The following NAV2 variants were observed in gnomAD, a reference collection of about 807,000 sequenced individuals.
NAV2 encodes neuron navigator 2.
In NAV2, 54 loss-of-function variants were observed where a neutral mutation model predicts 223.2. That is an observed-to-expected ratio of 0.24 (90% CI 0.19 to 0.30). The LOEUF is 0.30. Ranked by LOEUF, NAV2 falls within the 10% of genes least tolerant of loss-of-function variation. NAV2 has a pLI of 1.00. For synonymous variants in NAV2, 1,279 were observed against 1,239.3 expected, an observed-to-expected ratio of 1.03 and a Z score of -0.67; for missense variants, 2,806 against 3,147.5, an observed-to-expected ratio of 0.89 and a Z score of 2.60.
intron 11 of NAV2, among the ~76,000 whole-genome samples, chr11:20,001,322 C>A (rs1315601723): frequency 6.6e-6 from 1 of 152,166 alleles, no homozygotes; most frequent in Non-Finnish European, 1.5e-5. Context: ...TTAAGTCTAA[C>A]CAAATCTTTA....
chr11:19,686,649 G>C (rs1241655851), intron 1 of NAV2, among the ~76,000 whole-genome samples: 1 of 152,220 alleles, frequency 6.6e-6, no homozygotes, highest in Non-Finnish European at 1.5e-5. Context: ...GGCCTGCCCA[G>C]GTGGGGAGGA....
intron 1 of NAV2, among the ~76,000 whole-genome samples, chr11:19,472,089 G>A (rs919614488): frequency 1.3e-5 from 2 of 152,170 alleles, no homozygotes; most frequent in Non-Finnish European, 2.9e-5. Context: ...GTGTTGTTGG[G>A]CAGGTATTCT....
intron 1 of NAV2, among the ~76,000 whole-genome samples, chr11:19,647,007 A>G (rs532609671): frequency 7.2e-5 from 11 of 152,308 alleles, no homozygotes; most frequent in Admixed American, 2.0e-4. Flanking sequence ...GGAGTATCAG[A>G]AAATGCCAGC....
chr11:19,718,380 T>C (rs961442584), intron 1 of NAV2, among the ~76,000 whole-genome samples: 1 of 152,220 alleles, frequency 6.6e-6, no homozygotes, highest in Non-Finnish European at 1.5e-5. Context: ...TGATATTTCC[T>C]GTTTTTAGCA....
intron 6 of NAV2, among the ~76,000 whole-genome samples, chr11:19,929,092 A>G (rs1591287140): frequency 1.3e-5 from 2 of 152,144 alleles, no homozygotes; most frequent in African/African-American, 4.8e-5. Context: ...CCATCTCTAC[A>G]AAAAAACACA....
At chr11:19,717,967 G>T (rs2050438600) in intron 1 of NAV2, among the ~76,000 whole-genome samples, 1 of 152,134 alleles carries the variant, frequency 6.6e-6, no homozygotes, top group South Asian at 2.1e-4. Flanking sequence ...GTAGCTGTTA[G>T]GTACAGCCCT....
chr11:19,856,589 G>A (rs532949241), intron 3 of NAV2, among the ~76,000 whole-genome samples: 8 of 152,266 alleles, frequency 5.3e-5, no homozygotes, highest in Admixed American at 2.0e-4. Flanking sequence ...GTATGTGGAC[G>A]TTTCTAGTAT....
intron 22 of NAV2, among the ~76,000 whole-genome samples, chr11:20,071,194 T>C (rs1158299578): frequency 1.3e-5 from 2 of 148,904 alleles, no homozygotes; most frequent in Admixed American, 6.8e-5. Flanking sequence ...CTCCCACTTA[T>C]GAATGAGAAC....
chr11:19,954,885 GTA>G (rs1158460337), intron 10 of NAV2, among the ~76,000 whole-genome samples: 1 of 147,338 alleles, frequency 6.8e-6, no homozygotes, highest in Non-Finnish European at 1.5e-5. Context: ...GTGTGTGTGT[GTA>G]TGTATGTGTA....
At chr11:19,943,089 G>A (rs1230531570) in intron 8 of NAV2, among the ~76,000 whole-genome samples, 2 of 152,232 alleles carry the variant, frequency 1.3e-5, no homozygotes, top group South Asian at 2.1e-4. Context: ...TTGTGCGTGT[G>A]GTTAAGGTAA....
intron 7 of NAV2, among the ~76,000 whole-genome samples, chr11:19,939,060 G>A (rs2046177551): frequency 6.6e-6 from 1 of 152,196 alleles, no homozygotes; most frequent in Admixed American, 6.5e-5. Flanking sequence ...TAAGGGCATG[G>A]AGAGGGTTTG....
intron 1 of NAV2, among the ~76,000 whole-genome samples, chr11:19,526,195 T>C (rs2043837699): frequency 6.6e-6 from 1 of 152,202 alleles, no homozygotes; most frequent in East Asian, 1.9e-4. Context: ...TGATTCACTG[T>C]GTTTTAATCA....
intron 9 of NAV2, among the ~76,000 whole-genome samples, 175 bp from the exon 10 acceptor site, chr11:19,948,516 A>G (rs1043394566): frequency 1.3e-5 from 2 of 152,162 alleles, no homozygotes; most frequent in Non-Finnish European, 2.9e-5. Context: ...GTAGATGTGT[A>G]GCTTTCCTTT....
intron 1 of NAV2, among the ~76,000 whole-genome samples, chr11:19,458,367 C>T (rs1006153161): frequency 1.3e-5 from 2 of 152,236 alleles, no homozygotes; most frequent in Admixed American, 6.5e-5. Context: ...GGATCCTTTA[C>T]TTGCACACGG....
chr11:19,437,630 T>A (rs1851259277), intron 1 of NAV2, among the ~76,000 whole-genome samples: 2 of 152,180 alleles, frequency 1.3e-5, no homozygotes, highest in South Asian at 4.1e-4. Flanking sequence ...AAATGTCTAT[T>A]TGTAAAAAGG....
At chr11:19,440,619 TGTTAG>T (rs1409918412) in intron 1 of NAV2, among the ~76,000 whole-genome samples, 2 of 152,158 alleles carry the variant, frequency 1.3e-5, no homozygotes, top group African/African-American at 4.8e-5. Context: ...GTACTGACTG[TGTTAG>T]GTTAAGTGCA....
intron 23 of NAV2, among the ~76,000 whole-genome samples, 154 bp from the exon 24 acceptor site, chr11:20,077,839 A>G (rs1448841758): frequency 6.6e-6 from 1 of 152,154 alleles, no homozygotes; most frequent in Non-Finnish European, 1.5e-5. Context: ...TTATAATCCT[A>G]CTTTTATGTG....
intron 10 of NAV2, among the ~76,000 whole-genome samples, chr11:19,953,689 C>T (rs986069049): frequency 6.6e-6 from 1 of 152,206 alleles, no homozygotes; most frequent in Admixed American, 6.5e-5. Context: ...CTGAAAGCCA[C>T]TGGATGGTAC....
At chr11:20,035,561 T>G (rs1421218009) in intron 11 of NAV2, among the ~76,000 whole-genome samples, 1 of 152,162 alleles carries the variant, frequency 6.6e-6, no homozygotes, top group East Asian at 1.9e-4. Context: ...ACCCGACAGG[T>G]GCCTGCTGCG....
Sources: allele counts gnomAD v4.1 joint callset (sites outside exome capture counted in the v4.1 genomes callset), GRCh38; gene constraint gnomAD v4.1.1; transcripts MANE v1.5; gene names NCBI Gene and HGNC (gene_info 2026-07-23, HGNC 2026-07-21).